Variants in HBP1 observed in about 807,000 individuals in gnomAD.
HBP1 encodes the protein HMG box-containing protein 1.
A neutral mutation model predicts 62.6 loss-of-function variants in HBP1; 20 were observed. The observed-to-expected ratio is 0.32, with a 90% CI of 0.22 to 0.46. HBP1 has a LOEUF of 0.46. Among genes scored for constraint, HBP1 ranks in the 20% least tolerant of loss-of-function variants. The pLI is 1.00. For synonymous variants in HBP1, 232 were observed against 206.2 expected, an observed-to-expected ratio of 1.12 and a Z score of -1.07; for missense variants, 480 against 611.8, an observed-to-expected ratio of 0.78 and a Z score of 2.27.
intron 9 of HBP1, chr7:107,196,513 C>G: frequency 3.1e-6 from 1 of 319,828 alleles, no homozygotes; most frequent in Non-Finnish European, 6.1e-6. Flanking sequence ...CGTGATCCAC[C>G]CACCTTGGCC....
At position 107,182,664 on chromosome 7, in the gene HBP1, A is replaced by C. The variant is rs1797166797; in HGVS notation, c.398+63A>C. The C allele has an allele frequency of 4.4e-6, 4 of 907,898 alleles. No individual in the cohort carries two copies. The South Asian group carries it at 6.7e-5, about 15-fold the overall frequency. The allele number at this position is 907,898 out of a possible 1,614,324, so 56.2% of individuals were successfully genotyped here. A position where few individuals can be genotyped will look rare whatever the true frequency, so the allele number is the denominator to read the frequency against. On this transcript the variant is annotated intron_variant, in intron 3 of 10. Coordinates refer to ENST00000222574, the MANE Select transcript of HBP1 (RefSeq NM_012257.4). ...TCATTACACAAAGGTTTTATTTAAA[A>C]ATTTTTCTAGTTTAAAAGTAGTAAT...
chr7:107,170,152 T>G (rs1291782715), intron 1 of HBP1: 2 of 984,860 alleles, frequency 2.0e-6, no homozygotes, highest in African/African-American at 3.5e-5. Flanking sequence ...GTTTTCTGTT[T>G]GTTTTGTTTT....
chr7:107,173,979 G>A (rs1336404531), intron 1 of HBP1, among the ~76,000 whole-genome samples: 1 of 152,252 alleles, frequency 6.6e-6, no homozygotes, highest in Non-Finnish European at 1.5e-5. Context: ...TATAATATAT[G>A]TAGGGGAGTA....
chr7:107,169,118 C>G lies in HBP1; in HGVS notation c.-83C>G, dbSNP rs1796416924. ...GCCGACGTCGGTCGGAGAGGGGGTA[C>G]GAGAGCTGCTGGTGGTGTTGTCGTG... On this transcript the variant is annotated 5_prime_UTR_variant, in exon 1 of 11. Transcript: ENST00000222574. The G allele has an allele frequency of 7.9e-7, 1 of 1,264,480 alleles. No individual in the cohort carries two copies. Among genetic ancestry groups the G allele is most frequent in the African/African-American group, 1.6e-5 (1 of 63,796 alleles). The allele number at this position is 1,264,480 out of a possible 1,614,324, so 78.3% of individuals were successfully genotyped here.
chr7:107,172,505 G>A (rs904826013), intron 1 of HBP1, among the ~76,000 whole-genome samples: 2 of 152,070 alleles, frequency 1.3e-5, no homozygotes, highest in Non-Finnish European at 2.9e-5. Context: ...TTTAATATGT[G>A]ACTTATCTTA....
chr7:107,189,360 G>A lies in HBP1; in HGVS notation c.834G>A (p.Leu278=), dbSNP rs1797538729. 6.2e-7 allele frequency: 1 copy of A among 1,612,386 alleles called. No homozygotes were observed. The highest frequency in any genetic ancestry group is 1.7e-5 in the Admixed American group (1 of 59,988). The part of the protein sequence containing the change: ...EESVSFGESV[L]KLTFDPGTVE... ...GTGTATCATTTGGCGAGTCTGTACT[G>A]AAGTTGACTTTTGATCCTGGTACAG... is the stretch of plus-strand genomic sequence containing the variant. Residue 278 remains leucine (L), a synonymous_variant, in exon 7 of 11, where the codon CTG becomes CTA. Coordinates refer to ENST00000222574, the MANE Select transcript of HBP1 (RefSeq NM_012257.4).
chr7:107,178,907 G>C (rs902166419), intron 1 of HBP1, among the ~76,000 whole-genome samples: 17 of 152,206 alleles, frequency 1.1e-4, no homozygotes, highest in Admixed American at 1.0e-3. Context: ...GGTGGCACGC[G>C]CCTGTAATCC....
chr7:107,170,005 T>C, intron 1 of HBP1: 1 of 985,406 alleles, frequency 1.0e-6, no homozygotes, highest in Non-Finnish European at 1.2e-6. Flanking sequence ...GACAGCCAGG[T>C]TTTTGTAGCT....
At chr7:107,183,476 T>C (rs986422768) in intron 3 of HBP1, among the ~76,000 whole-genome samples, 8 of 152,218 alleles carry the variant, frequency 5.3e-5, no homozygotes, top group African/African-American at 1.7e-4. Flanking sequence ...GCAAATTGAA[T>C]TTAATTAACT....
At chr7:107,183,778 A>G (rs1440712129) in intron 3 of HBP1, among the ~76,000 whole-genome samples, 1 of 152,166 alleles carries the variant, frequency 6.6e-6, no homozygotes, top group Admixed American at 6.5e-5. Flanking sequence ...CATAAGACAT[A>G]AGGAAAGGAG....
intron 3 of HBP1, among the ~76,000 whole-genome samples, chr7:107,183,438 A>T (rs1020242570): frequency 5.3e-5 from 8 of 151,352 alleles, no homozygotes; most frequent in Non-Finnish European, 1.0e-4. Flanking sequence ...CTTTTCTTAC[A>T]TTTAGCAGGA....
chr7:107,186,115 T>C (rs1398590814), intron 4 of HBP1, among the ~76,000 whole-genome samples, 173 bp downstream of exon 4: 1 of 151,478 alleles, frequency 6.6e-6, no homozygotes, highest in African/African-American at 2.4e-5. Context: ...TGCGTATAAC[T>C]AAAGCTTCCA....
chr7:107,200,239 G>A lies in HBP1; in HGVS notation c.1465G>A (p.Ala489Thr). 9 of 1,613,170 alleles carry A rather than the reference G, an allele frequency of 5.6e-6. No individual in the cohort carries two copies. The highest frequency in any genetic ancestry group is 7.6e-6 in the Non-Finnish European group (9 of 1,179,328). Residue 489 changes from alanine to threonine, a missense_variant, in exon 10 of 11, where the codon GCT becomes ACT. Ala to Thr is a moderately conservative substitution (Grantham distance 58). This residue lies in a region of HBP1 where 52 missense variants were observed against 96.0 expected (regional missense o/e 0.54). Transcript: ENST00000222574. Reference protein sequence around the residue: ...ERRMYTLEAKALAEEQKRLNP... With the variant: ...ERRMYTLEAKTLAEEQKRLNP... ...AAGAATGTACACATTAGAAGCAAAG[G>A]CTTTGGCTGAAGAACAGAAACGTTT...
chr7:107,199,431 T>TTAAG (rs767992927), intron 9 of HBP1, among the ~76,000 whole-genome samples: 34 of 152,368 alleles, frequency 2.2e-4, no homozygotes, highest in Non-Finnish European at 4.3e-4. Context: ...TTTAACTGCA[T>TTAAG]TAAGTTATTG....
chr7:107,199,220 T>A (rs1425132651), intron 9 of HBP1, among the ~76,000 whole-genome samples: 1 of 152,094 alleles, frequency 6.6e-6, no homozygotes, highest in Non-Finnish European at 1.5e-5. Flanking sequence ...CCAGTAGCTG[T>A]GATTACAGGC....
rs957379586 is a variant in HBP1 at position 107,174,515 on chromosome 7, G to A, written c.-16+5330G>A. 6.1e-5 allele frequency: 60 copies of A among 984,978 alleles called. No individual in the cohort carries two copies. The Middle Eastern group carries it at 2.1e-3, about 34-fold the overall frequency. 61.0% of individuals were successfully genotyped at this position (984,978 alleles called of 1,614,324 possible). ...GAAATGATAGAAGTTGCAAAGAGAC[G>A]TTAGTGTACTATACTTGGTGAATGT... is the stretch of plus-strand genomic sequence containing the variant. On this transcript the variant is annotated intron_variant, in intron 1 of 10. Coordinates refer to ENST00000222574, the MANE Select transcript of HBP1 (RefSeq NM_012257.4).
At chr7:107,183,841 G>A (rs1161034001) in intron 3 of HBP1, among the ~76,000 whole-genome samples, 1 of 152,176 alleles carries the variant, frequency 6.6e-6, no homozygotes, top group East Asian at 1.9e-4. Context: ...ATGCTCTGTT[G>A]TCTGGCCTAC....
chr7:107,181,444 C>T (rs1797102237), intron 2 of HBP1, among the ~76,000 whole-genome samples: 1 of 151,900 alleles, frequency 6.6e-6, no homozygotes, highest in South Asian at 2.1e-4. Context: ...TGCACTCCAG[C>T]CTGGGCAACA....
chr7:107,199,523 T>TATC (rs1333552221), intron 9 of HBP1, among the ~76,000 whole-genome samples: 15 of 152,276 alleles, frequency 9.9e-5, no homozygotes, highest in African/African-American at 3.6e-4. Context: ...TTGGCTTCCA[T>TATC]ATCAGTCAGT....
Sources: gnomAD v4.1 joint callset for allele counts (sites outside exome capture counted in the v4.1 genomes callset) on GRCh38, gnomAD v4.1.1 for gene constraint, gnomAD v4.1.1 regional missense constraint, MANE v1.5 for transcripts, NCBI Gene and HGNC (gene_info 2026-07-23, HGNC 2026-07-21) for gene names.